Variants in GLCCI1 observed in about 807,000 individuals in gnomAD.
GLCCI1 encodes glucocorticoid-induced transcript 1 protein.
A neutral mutation model predicts 52.2 loss-of-function variants in GLCCI1; 24 were observed. The ratio of observed to expected loss-of-function variants is 0.46; its 90% CI spans 0.33 to 0.65. The LOEUF is 0.65. Among genes scored for constraint, GLCCI1 ranks in the 30% least tolerant of loss-of-function variants. GLCCI1 has a pLI of 0.02. For missense variants in GLCCI1, 704 were observed against 701.5 expected, an observed-to-expected ratio of 1.00 and a Z score of -0.04; for synonymous variants, 310 against 276.5, an observed-to-expected ratio of 1.12 and a Z score of -1.20.
intron 6 of GLCCI1, among the ~76,000 whole-genome samples, chr7:8,082,511 A>G (rs1262865505): frequency 6.6e-6 from 1 of 152,172 alleles, no homozygotes; most frequent in East Asian, 1.9e-4. Context: ...AAAAAACTCC[A>G]GATTTAGCAA....
chr7:8,017,235 G>A (rs1347818795), intron 2 of GLCCI1, among the ~76,000 whole-genome samples: 5 of 152,094 alleles, frequency 3.3e-5, no homozygotes, highest in African/African-American at 1.2e-4. Flanking sequence ...AGAATGGTGT[G>A]AAAAATATTT....
intron 1 of GLCCI1, among the ~76,000 whole-genome samples, chr7:7,984,242 T>C (rs922355367): frequency 2.0e-5 from 3 of 152,142 alleles, no homozygotes; most frequent in Admixed American, 2.0e-4. Context: ...TTAATTTTTA[T>C]AGAGACGTGG....
intron 5 of GLCCI1, among the ~76,000 whole-genome samples, chr7:8,067,051 G>T (rs1782643767): frequency 1.3e-5 from 2 of 152,172 alleles, no homozygotes; most frequent in Non-Finnish European, 2.9e-5. Context: ...CTTGTTTTAT[G>T]AATCTGGGTG....
At chr7:8,085,213 G>C (rs189166703) in intron 7 of GLCCI1, among the ~76,000 whole-genome samples, 196 bp downstream of exon 7, 8 of 152,318 alleles carry the variant, frequency 5.3e-5, no homozygotes, top group African/African-American at 1.9e-4. Flanking sequence ...AAATGTATAA[G>C]CCAGTACAAA....
intron 2 of GLCCI1, among the ~76,000 whole-genome samples, chr7:8,020,283 A>G (rs1327868382): frequency 6.6e-6 from 1 of 152,196 alleles, no homozygotes; most frequent in Non-Finnish European, 1.5e-5. Flanking sequence ...TTTCAGCTTC[A>G]TTATAATTTT....
intron 1 of GLCCI1, among the ~76,000 whole-genome samples, chr7:7,995,788 T>C (rs542806762): frequency 6.6e-6 from 1 of 152,208 alleles, no homozygotes; most frequent in South Asian, 2.1e-4. Context: ...CATTAGGAGA[T>C]ATAACTAATG....
In GLCCI1 at chr7:7,969,346, C is replaced by A; in HGVS notation, c.-5C>A. On this transcript the variant is annotated 5_prime_UTR_variant, in exon 1 of 8. Coordinates refer to ENST00000223145, the MANE Select transcript of GLCCI1 (RefSeq NM_138426.4). The surrounding 1 kb of genome is among the most constrained non-coding windows in gnomAD (Gnocchi z 4.9). ...CCGGCGGCGTCCAGGGCCCGCAGAG[C>A]CACCATGTCCACTGCCTCCTCCTCC... is the stretch of plus-strand genomic sequence containing the variant. 1 of 1,480,640 alleles carries A rather than the reference C, an allele frequency of 6.8e-7. No homozygotes were observed. Among genetic ancestry groups the A allele is most frequent in the Non-Finnish European group, 9.0e-7 (1 of 1,117,056 alleles). The allele number at this position is 1,480,640 out of a possible 1,614,324, so 91.7% of individuals were successfully genotyped here.
chr7:7,988,088 T>C (rs945062853), intron 1 of GLCCI1, among the ~76,000 whole-genome samples: 4 of 152,174 alleles, frequency 2.6e-5, no homozygotes, highest in Admixed American at 2.6e-4. Flanking sequence ...TAAGATGATG[T>C]TTGGAATATG....
chr7:8,042,356 G>A (rs935224857), intron 3 of GLCCI1, among the ~76,000 whole-genome samples: 7 of 152,194 alleles, frequency 4.6e-5, no homozygotes, highest in Admixed American at 4.6e-4. Context: ...CATTCTAGAT[G>A]CCATTAAGAA....
intron 5 of GLCCI1, among the ~76,000 whole-genome samples, chr7:8,068,088 A>C (rs996416795): frequency 1.3e-5 from 2 of 152,284 alleles, no homozygotes; most frequent in Non-Finnish European, 1.5e-5. Context: ...ACGGTGGCTC[A>C]TGCCTATAAT....
At chr7:8,037,948 C>A (rs528791634) in intron 3 of GLCCI1, among the ~76,000 whole-genome samples, 3 of 152,266 alleles carry the variant, frequency 2.0e-5, no homozygotes, top group Admixed American at 6.5e-5. Flanking sequence ...GGATAGGGGA[C>A]TTCAGCCCCC....
At position 8,065,936 on chromosome 7, in the gene GLCCI1, C is replaced by T. The variant is rs868307218; in HGVS notation, c.967-4985C>T. ...TTATAGAATTAGTTAAGGAGAAGTC[C>T]CTCCCCCTCAATTTTTTTGAATAGT... is the stretch of plus-strand genomic sequence containing the variant. On this transcript the variant is annotated intron_variant, in intron 5 of 7. Coordinates refer to ENST00000223145, the MANE Select transcript of GLCCI1 (RefSeq NM_138426.4). 3.3e-5 allele frequency among the ~76,000 whole-genome samples: 5 copies of T among 152,058 alleles called. 1 individual carries two copies. The South Asian group carries it at 8.3e-4, about 25-fold the overall frequency.
intron 3 of GLCCI1, among the ~76,000 whole-genome samples, chr7:8,025,547 AAAATT>A (rs1460566196): frequency 6.6e-6 from 1 of 152,170 alleles, no homozygotes; most frequent in Non-Finnish European, 1.5e-5. Context: ...AGAGGAAAAA[AAAATT>A]AAAGTTGAAA....
intron 1 of GLCCI1, chr7:7,970,316 G>A (rs1442913295): frequency 1.3e-5 from 2 of 152,158 alleles, no homozygotes; most frequent in Admixed American, 6.5e-5. Context: ...TCTGCTAGAG[G>A]GGACAGTTTT....
chr7:7,990,081 T>C (rs1347024268), intron 1 of GLCCI1, among the ~76,000 whole-genome samples: 1 of 152,114 alleles, frequency 6.6e-6, no homozygotes, highest in Non-Finnish European at 1.5e-5. Context: ...GCTATCTGGC[T>C]TGGTGTGGTT....
Position 8,066,799 on chromosome 7 carries a change from A to C in GLCCI1, c.967-4122A>C, listed in dbSNP as rs370502435. Among the ~76,000 whole-genome samples, 17 of 152,068 alleles carry C rather than the reference A, an allele frequency of 1.1e-4. No individual in the cohort carries two copies. The South Asian group carries it at 1.7e-3, about 15-fold the overall frequency. On this transcript the variant is annotated intron_variant, in intron 5 of 7. Transcript: ENST00000223145. ...ATTTGTAGAGGATTGTTTTATGTCC[A>C]TTCGTGTGGTTGTTTTTATATTATG...
At chr7:8,007,559 C>T (rs1781179064) in intron 2 of GLCCI1, among the ~76,000 whole-genome samples, 1 of 152,068 alleles carries the variant, frequency 6.6e-6, no homozygotes, top group Non-Finnish European at 1.5e-5. Flanking sequence ...AAGAGATGAA[C>T]ATATGAGATA....
In GLCCI1 at chr7:7,969,208, C is replaced by T. The variant is rs887430950; in HGVS notation, c.-143C>T. Reference sequence around the variant, plus strand: ...GGTGTGCGTTGGGGAGGGGGAGCCCCGAGACTCCTCCCCCACAGCGATACC... The same window carrying T: ...GGTGTGCGTTGGGGAGGGGGAGCCCTGAGACTCCTCCCCCACAGCGATACC... On this transcript the variant is annotated 5_prime_UTR_variant, in exon 1 of 8. Coordinates refer to ENST00000223145, the MANE Select transcript of GLCCI1 (RefSeq NM_138426.4). This position sits in a 1 kb window ranked among gnomAD's most constrained non-coding sequence, Gnocchi z 4.9. The T allele has an allele frequency of 8.0e-5, 60 of 753,906 alleles. No individual in the cohort carries two copies. The African/African-American group carries it at 1.1e-3, about 14-fold the overall frequency. 46.7% of individuals were successfully genotyped at this position (753,906 alleles called of 1,614,324 possible). A position where few individuals can be genotyped will look rare whatever the true frequency, so the allele number is the denominator to read the frequency against.
intron 3 of GLCCI1, among the ~76,000 whole-genome samples, chr7:8,025,490 A>G (rs753146912): frequency 1.3e-5 from 2 of 152,240 alleles, no homozygotes; most frequent in African/African-American, 2.4e-5. Context: ...AGAAGAATCA[A>G]TGAATTAGAA....
Sources: gnomAD v4.1 joint callset for allele counts (sites outside exome capture counted in the v4.1 genomes callset) on GRCh38, gnomAD v4.1.1 for gene constraint, Gnocchi (gnomAD v3.1) non-coding constraint, MANE v1.5 for transcripts, NCBI Gene and HGNC (gene_info 2026-07-23, HGNC 2026-07-21) for gene names.